The following PTPN4 variants were observed in gnomAD, a reference collection of about 807,000 sequenced individuals.
PTPN4 encodes the protein tyrosine-protein phosphatase non-receptor type 4.
Under a neutral mutation model 135.5 loss-of-function variants are expected in PTPN4, and 49 were observed. That is an observed-to-expected ratio of 0.36 (90% CI 0.29 to 0.46). The LOEUF (loss-of-function observed/expected upper bound fraction) is 0.46. Among genes scored for constraint, PTPN4 ranks in the 20% least tolerant of loss-of-function variants. The pLI is 1.00. For synonymous variants in PTPN4, 333 were observed against 369.9 expected, an observed-to-expected ratio of 0.90 and a Z score of 1.14; for missense variants, 860 against 1,101.0, an observed-to-expected ratio of 0.78 and a Z score of 3.10.
chr2:119,760,801 T>C (rs2104912349), intron 1 of PTPN4, among the ~76,000 whole-genome samples: 1 of 119,090 alleles, frequency 8.4e-6, no homozygotes, highest in East Asian at 2.9e-4. Context: ...CAACTATTCC[T>C]ACCATTGAAG....
At chr2:119,921,695 T>C (rs1678738736) in intron 12 of PTPN4, among the ~76,000 whole-genome samples, 1 of 149,826 alleles carries the variant, frequency 6.7e-6, no homozygotes, top group Admixed American at 6.7e-5. Flanking sequence ...TAAAAGCAAA[T>C]AGATGGAAGG....
chr2:119,917,407 A>C (rs904272449), intron 11 of PTPN4, among the ~76,000 whole-genome samples: 2 of 152,218 alleles, frequency 1.3e-5, no homozygotes, highest in African/African-American at 4.8e-5. Flanking sequence ...GCATAGGCAC[A>C]TTACAACCTG....
rs192103096 is a variant in PTPN4 at position 119,962,846 on chromosome 2, A to G, written c.2409+102A>G. ...TGAGTATTGGTTGCTAGGAAATACT[A>G]TAAGAATTATTGAATTATTTATCTG... On this transcript the variant is annotated intron_variant, in intron 24 of 26. Transcript: ENST00000263708. The G allele has an allele frequency of 6.0e-6, 6 of 992,124 alleles. No homozygotes were observed. The South Asian group carries it at 1.0e-4, about 17-fold the overall frequency. 61.5% of individuals were successfully genotyped at this position (992,124 alleles called of 1,614,324 possible). A position where few individuals can be genotyped will look rare whatever the true frequency, so the allele number is the denominator to read the frequency against.
intron 10 of PTPN4, among the ~76,000 whole-genome samples, chr2:119,910,808 CCAG>C (rs1001555484): frequency 6.6e-6 from 1 of 152,086 alleles, no homozygotes; most frequent in Non-Finnish European, 1.5e-5. Context: ...TGAGGTCTCC[CCAG>C]CCAGGCTGAA....
rs1212715748 is a variant in PTPN4 at position 119,899,282 on chromosome 2, C to T, written c.676-1436C>T. On this transcript the variant is annotated intron_variant, in intron 9 of 26. Transcript: ENST00000263708. Reference sequence around the variant, plus strand: ...TTATGGGACTGTTCGGAGTTAATTACCACAGCTGCTCCCTACCTGATTATC... The same window carrying T: ...TTATGGGACTGTTCGGAGTTAATTATCACAGCTGCTCCCTACCTGATTATC... Among the ~76,000 whole-genome samples, 3 of 152,294 alleles carry T rather than the reference C, an allele frequency of 2.0e-5. No individual in the cohort carries two copies. The East Asian group carries it at 5.8e-4, about 29-fold the overall frequency.
intron 2 of PTPN4, among the ~76,000 whole-genome samples, chr2:119,844,867 C>T (rs1481806468): frequency 6.6e-6 from 1 of 150,932 alleles, no homozygotes; most frequent in Non-Finnish European, 1.5e-5. Context: ...CGGGCAGAGG[C>T]TGCAATCTCG....
At chr2:119,844,490 C>T (rs1448996310) in intron 2 of PTPN4, among the ~76,000 whole-genome samples, 1 of 147,486 alleles carries the variant, frequency 6.8e-6, no homozygotes, top group Admixed American at 6.7e-5. Flanking sequence ...CTCCTCACTT[C>T]TCAGACGGGG....
intron 7 of PTPN4, among the ~76,000 whole-genome samples, 154 bp from the exon 8 acceptor site, chr2:119,882,349 G>T (rs186416068): frequency 2.9e-4 from 44 of 152,264 alleles, no homozygotes; most frequent in Non-Finnish European, 4.3e-4. Context: ...AGACCAAGAA[G>T]AATGTTAAAT....
intron 3 of PTPN4, among the ~76,000 whole-genome samples, chr2:119,876,731 A>G (rs981737174): frequency 2.0e-5 from 3 of 152,164 alleles, no homozygotes; most frequent in Admixed American, 1.3e-4. Flanking sequence ...ATAAAAATCA[A>G]TCATTCTCAA....
intron 18 of PTPN4, among the ~76,000 whole-genome samples, chr2:119,951,086 T>C (rs1451471902): frequency 6.6e-6 from 1 of 152,242 alleles, no homozygotes; most frequent in African/African-American, 2.4e-5. Flanking sequence ...GTTTAAACGG[T>C]GCTTGCCTCC....
At chr2:119,778,781 G>A (rs1574328739) in intron 1 of PTPN4, among the ~76,000 whole-genome samples, 1 of 152,020 alleles carries the variant, frequency 6.6e-6, no homozygotes, top group Non-Finnish European at 1.5e-5. Context: ...TTCTTATCAG[G>A]TCGGTAACAA....
chr2:119,966,282 G>A (rs1189203285), intron 25 of PTPN4, among the ~76,000 whole-genome samples: 3 of 151,370 alleles, frequency 2.0e-5, no homozygotes, highest in South Asian at 2.1e-4. Context: ...TTTTTCAGTC[G>A]GAGTCTCATA....
At chr2:119,862,189 A>G (rs1258111044) in intron 2 of PTPN4, among the ~76,000 whole-genome samples, 2 of 152,146 alleles carry the variant, frequency 1.3e-5, no homozygotes, top group Non-Finnish European at 2.9e-5. Flanking sequence ...GTATTTTCAT[A>G]TTTATTATAT....
chr2:119,964,313 G>A (rs1241759890), intron 24 of PTPN4, among the ~76,000 whole-genome samples: 1 of 152,192 alleles, frequency 6.6e-6, no homozygotes, highest in Non-Finnish European at 1.5e-5. Context: ...ACTGAATGCT[G>A]TAACTGGCAG....
intron 2 of PTPN4, among the ~76,000 whole-genome samples, chr2:119,812,044 A>T (rs1486593600): frequency 6.6e-6 from 1 of 152,206 alleles, no homozygotes; most frequent in Non-Finnish European, 1.5e-5. Flanking sequence ...TAAGAGGAAC[A>T]ATATTTATGA....
chr2:119,794,991 G>A (rs1158379944), intron 1 of PTPN4, among the ~76,000 whole-genome samples: 2 of 152,182 alleles, frequency 1.3e-5, no homozygotes, highest in East Asian at 3.9e-4. Context: ...CTCTGCAGCT[G>A]GCTATCCCAT....
intron 3 of PTPN4, among the ~76,000 whole-genome samples, chr2:119,869,620 A>T (rs925237198): frequency 6.6e-6 from 1 of 152,062 alleles, no homozygotes; most frequent in Non-Finnish European, 1.5e-5. Flanking sequence ...GTTAGTAAGG[A>T]TGTCCTCTGC....
intron 2 of PTPN4, among the ~76,000 whole-genome samples, chr2:119,844,889 G>A (rs987320827): frequency 1.3e-5 from 2 of 151,404 alleles, no homozygotes; most frequent in Non-Finnish European, 2.9e-5. Context: ...CACTTTGGGA[G>A]GCCAAGGCAG....
intron 2 of PTPN4, among the ~76,000 whole-genome samples, chr2:119,839,954 G>T (rs1015683053): frequency 1.3e-5 from 2 of 152,196 alleles, no homozygotes; most frequent in South Asian, 4.2e-4. Context: ...AAACAGGAAG[G>T]CCATTTAATT....
Sources: allele counts gnomAD v4.1 joint callset (sites outside exome capture counted in the v4.1 genomes callset), GRCh38; gene constraint gnomAD v4.1.1; transcripts MANE v1.5; gene names NCBI Gene and HGNC (gene_info 2026-07-23, HGNC 2026-07-21).